Variants in TRMT11 observed in about 807,000 individuals in gnomAD.
TRMT11 encodes the protein tRNA (guanine(10)-N(2))-methyltransferase TRMT11.
Under a neutral mutation model 62.8 loss-of-function variants are expected in TRMT11, and 53 were observed. The observed-to-expected ratio is 0.84, with a 90% CI of 0.68 to 1.06. TRMT11 has a LOEUF of 1.06. Among genes scored for constraint, TRMT11 ranks in the 50% least tolerant of loss-of-function variants. TRMT11 has a pLI of 0.00. For missense variants in TRMT11, 556 were observed against 553.4 expected (o/e 1.00, Z -0.05); for synonymous variants, 188 against 190.3 (o/e 0.99, Z 0.10).
At chr6:125,999,639 G>A (rs1481974295) in intron 7 of TRMT11, 26 bp downstream of exon 7, 8 of 1,566,108 alleles carry the variant, frequency 5.1e-6, no homozygotes, top group Non-Finnish European at 6.9e-6. Context: ...TTTTAAGCTA[G>A]TGTAGAGATG....
At chr6:126,153,423 T>C (rs1322135259) in intron 21 of TRMT11, among the ~76,000 whole-genome samples, 1 of 152,248 alleles carries the variant, frequency 6.6e-6, no homozygotes, top group Non-Finnish European at 1.5e-5. Flanking sequence ...AGTTTTAACC[T>C]GAGACATTTA....
intron 12 of TRMT11, among the ~76,000 whole-genome samples, chr6:126,037,811 G>T (rs1775460237): frequency 6.6e-6 from 1 of 151,966 alleles, no homozygotes; most frequent in African/African-American, 2.4e-5. Flanking sequence ...TTATATTCCA[G>T]ATATATTTTT....
intron 17 of TRMT11, among the ~76,000 whole-genome samples, chr6:126,095,468 C>T (rs1306674307): frequency 1.3e-5 from 2 of 152,186 alleles, no homozygotes; most frequent in African/African-American, 4.8e-5. Flanking sequence ...ATAACCTGCT[C>T]ACAGGGAATA....
intron 1 of TRMT11, among the ~76,000 whole-genome samples, chr6:126,177,773 T>C (rs1778404223): frequency 6.6e-6 from 1 of 152,106 alleles, no homozygotes; most frequent in African/African-American, 2.4e-5. Context: ...AAATGAAAAA[T>C]TGCACGATTT....
At chr6:126,055,329 G>A (rs925700455) in intron 17 of TRMT11, among the ~76,000 whole-genome samples, 8 of 152,144 alleles carry the variant, frequency 5.3e-5, no homozygotes, top group African/African-American at 1.9e-4. Flanking sequence ...GAATCCTCTA[G>A]CCCTTGCTTG....
At chr6:126,266,412 C>T in the TRMT11 span, among the ~76,000 whole-genome samples, 1 of 152,172 alleles carries the variant, frequency 6.6e-6, no homozygotes, top group Non-Finnish European at 1.5e-5. Flanking sequence ...TAGTGTTCAA[C>T]AGCTAAATGA....
At chr6:126,156,409 A>G (rs1355076009) in intron 21 of TRMT11, among the ~76,000 whole-genome samples, 1 of 152,136 alleles carries the variant, frequency 6.6e-6, no homozygotes, top group African/African-American at 2.4e-5. Context: ...CTCAGCTCCC[A>G]GGCTTTCCTA....
intron 17 of TRMT11, among the ~76,000 whole-genome samples, chr6:126,053,705 T>C (rs1554232244): frequency 2.0e-5 from 3 of 152,038 alleles, no homozygotes; most frequent in Non-Finnish European, 1.5e-5. Context: ...TGGCGTGGTG[T>C]GTCCTCTCGA....
chr6:126,201,309 CAG>C, intron 3 of TRMT11, among the ~76,000 whole-genome samples: 1 of 152,326 alleles, frequency 6.6e-6, no homozygotes, highest in East Asian at 1.9e-4. Flanking sequence ...AAAATTGACA[CAG>C]ATTTAATTCT....
intron 12 of TRMT11, among the ~76,000 whole-genome samples, chr6:126,037,248 C>T (rs970442629): frequency 6.6e-6 from 1 of 152,022 alleles, no homozygotes; most frequent in Non-Finnish European, 1.5e-5. Flanking sequence ...TATCTTGGAC[C>T]TGTACTCTTA....
At chr6:126,103,094 C>G (rs991627988) in intron 17 of TRMT11, among the ~76,000 whole-genome samples, 1 of 152,212 alleles carries the variant, frequency 6.6e-6, no homozygotes, top group Non-Finnish European at 1.5e-5. Flanking sequence ...ACTGTGGAAC[C>G]TCCTCGACTT....
chr6:126,235,402 G>A, the TRMT11 span, among the ~76,000 whole-genome samples: 5 of 152,214 alleles, frequency 3.3e-5, no homozygotes, highest in East Asian at 3.9e-4. Context: ...GTACATGTAC[G>A]CATATGTTCA....
intron 12 of TRMT11, among the ~76,000 whole-genome samples, chr6:126,030,757 A>T (rs1308880424): frequency 6.6e-6 from 1 of 152,212 alleles, no homozygotes; most frequent in South Asian, 2.1e-4. Flanking sequence ...GACAGCTTAA[A>T]CCTGACCTAC....
At chr6:126,254,421 C>T in the TRMT11 span, among the ~76,000 whole-genome samples, 1 of 152,204 alleles carries the variant, frequency 6.6e-6, no homozygotes, top group African/African-American at 2.4e-5. Flanking sequence ...AATTTAGCAA[C>T]TATTTATTGA....
chr6:126,192,177 A>T (rs534512537), intron 1 of TRMT11, among the ~76,000 whole-genome samples: 1 of 152,226 alleles, frequency 6.6e-6, no homozygotes, highest in Admixed American at 6.5e-5. Flanking sequence ...GGTTAAATGT[A>T]TTCCTAGGCA....
downstream of TRMT11, among the ~76,000 whole-genome samples, chr6:126,042,782 A>G (rs186763203): frequency 7.5e-4 from 115 of 152,318 alleles, no homozygotes; most frequent in Non-Finnish European, 7.4e-5. Context: ...AAGAAAAGGA[A>G]AAAGGCTGAG....
At chr6:126,228,324 G>A in the TRMT11 span, among the ~76,000 whole-genome samples, 2 of 152,174 alleles carry the variant, frequency 1.3e-5, no homozygotes, top group Non-Finnish European at 2.9e-5. Context: ...ATTGAAGCAA[G>A]TCGCTCTGCT....
upstream of TRMT11, among the ~76,000 whole-genome samples, chr6:126,173,966 A>T (rs142378051): frequency 3.3e-3 from 505 of 152,254 alleles, 3 homozygotes; most frequent in African/African-American, 0.012. Flanking sequence ...CCTTCTCAAC[A>T]GATAGTGTGA....
At chr6:126,084,046 TGAATACAG>T (rs1777187986) in intron 17 of TRMT11, among the ~76,000 whole-genome samples, 1 of 152,186 alleles carries the variant, frequency 6.6e-6, no homozygotes, top group African/African-American at 2.4e-5. Context: ...AATGCTGCAA[TGAATACAG>T]GAGTGCAGGT....
Sources: allele counts gnomAD v4.1 joint callset (sites outside exome capture counted in the v4.1 genomes callset), GRCh38; gene constraint gnomAD v4.1.1; transcripts MANE v1.5; gene names NCBI Gene and HGNC (gene_info 2026-07-23, HGNC 2026-07-21).